The following THOC1 variants were observed in gnomAD, a reference collection of about 807,000 sequenced individuals.
The protein encoded by THOC1 is THO complex 1.
In THOC1, 29 loss-of-function variants were observed where a neutral mutation model predicts 97.3. The observed-to-expected ratio is 0.30, with a 90% CI of 0.22 to 0.41. The LOEUF is 0.41. Among genes scored for constraint, THOC1 ranks in the 10% least tolerant of loss-of-function variants. The probability of loss-of-function intolerance (pLI) is 1.00; values close to 1 mark genes in which losing one functional copy is unlikely to be tolerated. For synonymous variants in THOC1, 255 were observed against 257.0 expected (o/e 0.99, Z 0.07); for missense variants, 529 against 761.9 (o/e 0.69, Z 3.60).
At position 256,910 on chromosome 18, in the gene THOC1, C is replaced by G. The variant is rs528229646; in HGVS notation, c.520+2270G>C. Among the ~76,000 whole-genome samples, 5 of 152,174 alleles carry G rather than the reference C, an allele frequency of 3.3e-5. No individual in the cohort carries two copies. The South Asian group carries it at 6.2e-4, about 19-fold the overall frequency. On this transcript the variant is annotated intron_variant, in intron 7 of 20. Coordinates refer to ENST00000261600, the MANE Select transcript of THOC1 (RefSeq NM_005131.3). ...TCATAGCCAGCCCAACCTTCAGCAA[C>G]CACCACCCTGGATCAGTCAGCAGCC... is the stretch of plus-strand genomic sequence containing the variant.
Position 254,383 on chromosome 18 carries a change from A to C in THOC1, c.521-28T>G, listed in dbSNP as rs1567855335. 2.8e-6 allele frequency: 4 copies of C among 1,436,074 alleles called. No individual in the cohort carries two copies. Among genetic ancestry groups the C allele is most frequent in the Non-Finnish European group, 3.8e-6 (4 of 1,045,442 alleles). The allele number at this position is 1,436,074 out of a possible 1,614,324, so 89.0% of individuals were successfully genotyped here. A position where few individuals can be genotyped will look rare whatever the true frequency, so the allele number is the denominator to read the frequency against. Reference sequence around the variant, plus strand: ...AGTAAAAAAACAAAAAAAAGATGCAAAGCAAGTCCAGTGACACCTAAACTT... The same window carrying C: ...AGTAAAAAAACAAAAAAAAGATGCACAGCAAGTCCAGTGACACCTAAACTT... On this transcript the variant is annotated intron_variant, in intron 7 of 20. Coordinates refer to ENST00000261600, the MANE Select transcript of THOC1 (RefSeq NM_005131.3). The surrounding 1 kb of genome is among the most constrained non-coding windows in gnomAD (Gnocchi z 4.1).
Position 215,584 on chromosome 18 carries a change from G to A in THOC1, c.1603-80C>T, listed in dbSNP as rs922468228. 158 of 1,154,294 alleles carry A rather than the reference G, an allele frequency of 1.4e-4. 1 individual carries two copies. The East Asian group carries it at 3.5e-3, about 26-fold the overall frequency. 71.5% of individuals were successfully genotyped at this position (1,154,294 alleles called of 1,614,324 possible). A position where few individuals can be genotyped will look rare whatever the true frequency, so the allele number is the denominator to read the frequency against. On this transcript the variant is annotated intron_variant, in intron 19 of 20. Transcript: ENST00000261600. Reference sequence around the variant, plus strand: ...ACAGGTATTTTGTTTGGATAAGGACGGTTGTGAGATTCCAAGTACAGGGTG... The same window carrying A: ...ACAGGTATTTTGTTTGGATAAGGACAGTTGTGAGATTCCAAGTACAGGGTG...
intron 18 of THOC1, among the ~76,000 whole-genome samples, 198 bp from the exon 19 acceptor site, chr18:216,831 A>G (rs748034824): frequency 6.6e-6 from 1 of 152,234 alleles, no homozygotes; most frequent in Non-Finnish European, 1.5e-5. Flanking sequence ...ACATGTAACT[A>G]ATCACAGGAA....
In THOC1 at chr18:268,010, T is replaced by C. The variant is rs377273560; in HGVS notation, c.10A>G (p.Thr4Ala). 1.9e-6 allele frequency: 3 copies of C among 1,605,702 alleles called. No individual in the cohort carries two copies. Among genetic ancestry groups the C allele is most frequent in the South Asian group, 1.1e-5 (1 of 89,870 alleles). Reference sequence around the variant, plus strand: ...TCGGGCAAACTGAAGAGCGGCGGCGTCGGAGACATCTTCTCGGCTGCGCGT... The same window carrying C: ...TCGGGCAAACTGAAGAGCGGCGGCGCCGGAGACATCTTCTCGGCTGCGCGT... MSPTPPLFSLPEAR... is the reference protein window; with the variant it reads MSPAPPLFSLPEAR... The change falls in exon 1 of 21, where the codon ACG becomes GCG. Residue 4 changes from threonine (T) to alanine (A), a missense_variant. Around this residue, in one of 8 missense-constraint regions of THOC1, gnomAD observed 114 missense variants for 97.4 expected, o/e 1.17. Transcript: ENST00000261600.
chr18:259,650 A>G (rs1178033426), intron 6 of THOC1, 32 bp downstream of exon 6: 3 of 1,503,394 alleles, frequency 2.0e-6, no homozygotes, highest in Non-Finnish European at 2.7e-6. Flanking sequence ...TTTACACTTA[A>G]AAAGCAATCA....
rs1911188047 is a variant in THOC1 at position 224,116 on chromosome 18, C to T, written c.1272G>A (p.Gly424=). 6.2e-7 allele frequency: 1 copy of T among 1,611,098 alleles called. No individual in the cohort carries two copies. Among genetic ancestry groups the T allele is most frequent in the Middle Eastern group, 1.7e-4 (1 of 6,060 alleles). ...TCAGAATTTTTTTGGTGGGTCCTTT[C>T]CCTAGGAAGTCCTCGGGTGCTGTTC... ...RKRTAPEDFL[G]KGPTKKILMG... is the part of the protein sequence containing the mutation. The change falls in exon 16 of 21, where the codon GGG becomes GGA. Residue 424 remains glycine (G), a synonymous_variant. Coordinates refer to ENST00000261600, the MANE Select transcript of THOC1 (RefSeq NM_005131.3).
intron 11 of THOC1, among the ~76,000 whole-genome samples, chr18:227,628 T>A (rs1305439332): frequency 6.6e-6 from 1 of 151,928 alleles, no homozygotes; most frequent in Non-Finnish European, 1.5e-5. Flanking sequence ...GACCCTGCCA[T>A]CCAGCTGTAA....
chr18:223,321 A>G (rs1471363581), intron 17 of THOC1, 119 bp downstream of exon 17: 3 of 750,738 alleles, frequency 4.0e-6, no homozygotes, highest in Non-Finnish European at 6.2e-6. Flanking sequence ...TGCTGTGCCA[A>G]AAGTCAACCA....
At chr18:218,864 A>G in intron 18 of THOC1, 22 bp downstream of exon 18, 2 of 1,557,742 alleles carry the variant, frequency 1.3e-6, no homozygotes, top group Non-Finnish European at 1.7e-6. Context: ...AATTAAAAGG[A>G]GCTAATGAGG....
At chr18:255,752 G>C (rs1035166827) in intron 7 of THOC1, among the ~76,000 whole-genome samples, 5 of 152,236 alleles carry the variant, frequency 3.3e-5, no homozygotes, top group African/African-American at 1.2e-4. Flanking sequence ...TTCATAGCTA[G>C]AGAGAAGTCA....
chr18:246,936 A>C (rs1046540115), intron 10 of THOC1, among the ~76,000 whole-genome samples: 1 of 145,858 alleles, frequency 6.9e-6, no homozygotes, highest in Non-Finnish European at 1.5e-5. Context: ...AAAAAAAAAA[A>C]CGAAGAAATA....
chr18:225,117 T>A lies in THOC1; in HGVS notation c.1109A>T (p.Asp370Val). 1 of 1,577,528 alleles carries A rather than the reference T, an allele frequency of 6.3e-7. No homozygotes were observed. Among genetic ancestry groups the A allele is most frequent in the Non-Finnish European group, 8.6e-7 (1 of 1,159,962 alleles). The change falls in exon 14 of 21, where the codon GAT becomes GTT. Residue 370 changes from aspartate (D) to valine (V), a missense_variant. By Grantham distance (152) the Asp-to-Val change is radical. This residue lies in a region of THOC1 where 123 missense variants were observed against 159.0 expected (regional missense o/e 0.77). Transcript: ENST00000261600. ...VYQLLSENPPDGERFSKMVEH... is the reference protein window; with the variant it reads ...VYQLLSENPPVGERFSKMVEH... ...TACCATCTTTGAAAATCTTTCTCCA[T>A]CGGGGGGGTTTTCAGATAGTAGCTG...
intron 11 of THOC1, among the ~76,000 whole-genome samples, chr18:240,830 A>T (rs1001630762): frequency 1.3e-5 from 2 of 152,224 alleles, no homozygotes; most frequent in Non-Finnish European, 2.9e-5. Flanking sequence ...ACCATAATGT[A>T]GAATCAGTGG....
At chr18:230,178 T>C (rs999740069) in intron 11 of THOC1, among the ~76,000 whole-genome samples, 1 of 152,172 alleles carries the variant, frequency 6.6e-6, no homozygotes, top group Non-Finnish European at 1.5e-5. Context: ...CCAACATCCA[T>C]TTGCCCAAGC....
Position 265,476 on chromosome 18 carries a change from AG to A in THOC1, c.108del (p.Phe37SerfsTer23). The stretch of plus-strand genomic sequence containing the variant: ...CCTTACCTGCCAGGTACCTGGCTGA[AG>A]GTACTTAACAATGGCTTGATGTTTT... Reference protein sequence around the residue: ...NNKNIKPLLSTFSQVPGSENE... With the variant: ...NNKNIKPLLSXFSQVPGSENE... On this transcript the variant is annotated frameshift_variant, in exon 2 of 21. Coordinates refer to ENST00000261600, the MANE Select transcript of THOC1 (RefSeq NM_005131.3). LOFTEE classifies it high-confidence loss of function. 6.3e-7 allele frequency: 1 copy of A among 1,598,392 alleles called. No homozygotes were observed. Among genetic ancestry groups the A allele is most frequent in the Non-Finnish European group, 8.5e-7 (1 of 1,172,092 alleles).
chr18:246,720 T>C (rs552622589), intron 10 of THOC1, among the ~76,000 whole-genome samples: 10 of 152,178 alleles, frequency 6.6e-5, no homozygotes, highest in South Asian at 4.1e-4. Flanking sequence ...CTCACGCCTG[T>C]AATCCCAGCA....
At chr18:223,725 T>G (rs1429645215) in intron 16 of THOC1, among the ~76,000 whole-genome samples, 2 of 152,232 alleles carry the variant, frequency 1.3e-5, no homozygotes, top group African/African-American at 4.8e-5. Context: ...GATATAATCT[T>G]TAGTTTTTTC....
rs759248107 is a variant in THOC1, at chr18:246,484, G to A, written c.787-29C>T. 27 of 1,550,938 alleles carry A rather than the reference G, an allele frequency of 1.7e-5. No individual in the cohort carries two copies. In the East Asian group the frequency reaches 5.0e-4, roughly 29 times the overall value. ...CAAAATAAAAATATTAGTTTTATTC[G>A]ACATTGTTACCCAAATTTGTTTAGT... is the stretch of plus-strand genomic sequence containing the variant. On this transcript the variant is annotated intron_variant, in intron 10 of 20. Transcript: ENST00000261600.
At position 237,129 on chromosome 18, in the gene THOC1, GA is replaced by G. The variant is rs199972760; in HGVS notation, c.918+9194del. ...GACTGTGTGGCTTGAGAGATTTCTA[GA>G]AAAGTACTAAATCTCTCATGTACTG... On this transcript the variant is annotated intron_variant, in intron 11 of 20. Coordinates refer to ENST00000261600, the MANE Select transcript of THOC1 (RefSeq NM_005131.3). 4.0e-4 allele frequency among the ~76,000 whole-genome samples: 60 copies of G among 149,542 alleles called. 1 individual carries two copies. Among genetic ancestry groups the G allele is most frequent in the African/African-American group, 1.3e-3 (54 of 40,758 alleles).
Sources: allele counts gnomAD v4.1 joint callset (sites outside exome capture counted in the v4.1 genomes callset), GRCh38; gene constraint gnomAD v4.1.1; regional missense constraint gnomAD v4.1.1; non-coding constraint Gnocchi (gnomAD v3.1); transcripts MANE v1.5; gene names NCBI Gene and HGNC (gene_info 2026-07-23, HGNC 2026-07-21).